GFI1B: variants seen among roughly 807,000 people sequenced by gnomAD.
GFI1B encodes growth factor independent 1B transcriptional repressor.
GFI1B carries 20 observed loss-of-function variants against 35.3 expected under a neutral mutation model. The observed-to-expected ratio is 0.57, with a 90% confidence interval of 0.40 to 0.82. The LOEUF (loss-of-function observed/expected upper bound fraction) is 0.82. Among genes scored for constraint, GFI1B ranks in the 40% least tolerant of loss-of-function variants. GFI1B has a pLI of 0.00. For synonymous variants in GFI1B, 178 were observed against 177.6 expected (o/e 1.00, Z -0.02); for missense variants, 430 against 446.3 (o/e 0.96, Z 0.33).
At chr9:132,968,889 C>T (rs1179293928) in intron 1 of GFI1B, among the ~76,000 whole-genome samples, 8 of 152,024 alleles carry the variant, frequency 5.3e-5, no homozygotes, top group African/African-American at 1.9e-4. Flanking sequence ...CATATCAGTC[C>T]ACAACCACCA....
At chr9:132,957,537 G>C (rs1488008477) in intron 1 of GFI1B, among the ~76,000 whole-genome samples, 2 of 152,208 alleles carry the variant, frequency 1.3e-5, no homozygotes, top group African/African-American at 4.8e-5. Flanking sequence ...TAGTGAACAA[G>C]AGAGAGTCCC....
Position 132,989,255 on chromosome 9 carries a change from A to T in GFI1B, c.648+57A>T. 1 of 1,560,196 alleles carries T rather than the reference A, an allele frequency of 6.4e-7. No homozygotes were observed. The highest frequency in any genetic ancestry group is 1.1e-5 in the South Asian group (1 of 90,158). ...CCCCACTCCTTCTCTGTGCTTCCCC[A>T]GGGAGCCTGGGGGCTGTGGCTGGGT... On this transcript the variant is annotated intron_variant, in intron 5 of 6. Coordinates refer to ENST00000372122, the MANE Select transcript of GFI1B (RefSeq NM_001377304.1). This position sits in a 1 kb window ranked among gnomAD's most constrained non-coding sequence, Gnocchi z 6.2.
intron 1 of GFI1B, among the ~76,000 whole-genome samples, chr9:132,969,437 T>C (rs973883624): frequency 6.6e-6 from 1 of 152,234 alleles, no homozygotes; most frequent in African/African-American, 2.4e-5. Context: ...TCGGGGTTCA[T>C]CCAGGTTGTT....
chr9:132,972,522 C>T (rs760298654), intron 1 of GFI1B, among the ~76,000 whole-genome samples: 1 of 151,430 alleles, frequency 6.6e-6, no homozygotes, highest in African/African-American at 2.4e-5. Flanking sequence ...CCCAGGAGGT[C>T]GTGGCTGCAG....
chr9:132,988,073 C>A, intron 3 of GFI1B, 124 bp from the exon 4 acceptor site: 2 of 837,100 alleles, frequency 2.4e-6, no homozygotes, highest in Non-Finnish European at 4.1e-6. Context: ...CTTGAACTCC[C>A]GACCTCAAGT....
chr9:132,962,521 A>T, intron 1 of GFI1B: 1 of 514,460 alleles, frequency 1.9e-6, no homozygotes, highest in Non-Finnish European at 4.0e-6. Flanking sequence ...ATGTCTTCTC[A>T]CAAGACTTTG....
rs747614393 is a variant in GFI1B at position 132,989,876 on chromosome 9, C to T, written c.783C>T (p.Ser261=). The change falls in exon 6 of 7, where the codon TCC becomes TCT. Residue 261 remains serine (S), a synonymous_variant. Transcript: ENST00000372122. This position sits in a 1 kb window ranked among gnomAD's most constrained non-coding sequence, Gnocchi z 6.2. ...GCGGCAAGCGTTTCCACCAGAAGTC[C>T]GACATGAAGAAGCACACCTACATCC... The part of the protein sequence containing the change: ...QFCGKRFHQK[S]DMKKHTYIHT... 41 of 1,614,196 alleles carry T rather than the reference C, an allele frequency of 2.5e-5. No homozygotes were observed. In the South Asian group the frequency reaches 3.7e-4, roughly 15 times the overall value.
rs1351043658 is a variant in GFI1B, at chr9:132,989,339, C to T, written c.648+141C>T. Reference sequence around the variant, plus strand: ...GGAGGGGTCCCCTAGTACCCACCTCCCTGGGTCTGGGTCTCCAACACCTGC... The same window carrying T: ...GGAGGGGTCCCCTAGTACCCACCTCTCTGGGTCTGGGTCTCCAACACCTGC... On this transcript the variant is annotated intron_variant, in intron 5 of 6. Transcript: ENST00000372122. This position sits in a 1 kb window ranked among gnomAD's most constrained non-coding sequence, Gnocchi z 6.2. 35 of 803,650 alleles carry T rather than the reference C, an allele frequency of 4.4e-5. No homozygotes were observed. Among genetic ancestry groups the T allele is most frequent in the Non-Finnish European group, 2.5e-5 (12 of 479,964 alleles). 49.8% of individuals were successfully genotyped at this position (803,650 alleles called of 1,614,324 possible).
At chr9:132,974,833 G>T (rs1285777984), upstream of GFI1B, among the ~76,000 whole-genome samples, 2 of 152,148 alleles carry the variant, frequency 1.3e-5, no homozygotes, top group Admixed American at 6.5e-5. Flanking sequence ...CAGGCAGAGG[G>T]CACGAGAAGT....
upstream of GFI1B, among the ~76,000 whole-genome samples, chr9:132,973,863 G>T (rs1848576690): frequency 6.6e-6 from 1 of 152,182 alleles, no homozygotes; most frequent in Non-Finnish European, 1.5e-5. Context: ...GCAACCTCAT[G>T]GTTTTGGCGG....
intron 1 of GFI1B, among the ~76,000 whole-genome samples, chr9:132,960,721 C>T (rs758726924): frequency 2.6e-5 from 4 of 151,686 alleles, no homozygotes; most frequent in Non-Finnish European, 5.9e-5. Flanking sequence ...AGGCTGGTTT[C>T]GAAGTCCTGG....
At chr9:132,978,968 T>C (rs903586151) in intron 1 of GFI1B, 127 bp downstream of exon 1, 1 of 152,216 alleles carries the variant, frequency 6.6e-6, no homozygotes, top group Non-Finnish European at 1.5e-5. Context: ...CTGGAAAAGC[T>C]CTGGAAGGCA....
Position 132,989,997 on chromosome 9 carries a change from G to A in GFI1B, c.814+90G>A. Reference sequence around the variant, plus strand: ...ATCAGAGGCCCCCAGCGTGAGGCTGGGGGCGGGGTCTAGTTACAAAGTCAA... The same window carrying A: ...ATCAGAGGCCCCCAGCGTGAGGCTGAGGGCGGGGTCTAGTTACAAAGTCAA... On this transcript the variant is annotated intron_variant, in intron 6 of 6. Coordinates refer to ENST00000372122, the MANE Select transcript of GFI1B (RefSeq NM_001377304.1). This position sits in a 1 kb window ranked among gnomAD's most constrained non-coding sequence, Gnocchi z 6.2. 1.7e-6 allele frequency: 2 copies of A among 1,186,566 alleles called. No homozygotes were observed. The highest frequency in any genetic ancestry group is 2.5e-6 in the Non-Finnish European group (2 of 808,276). The allele number at this position is 1,186,566 out of a possible 1,614,324, so 73.5% of individuals were successfully genotyped here.
chr9:132,950,268 A>T (rs1010854195), intron 1 of GFI1B, among the ~76,000 whole-genome samples: 27 of 151,632 alleles, frequency 1.8e-4, no homozygotes, highest in African/African-American at 6.6e-4. Context: ...TTCCTCCAAG[A>T]CTCAACTCCA....
chr9:132,967,758 G>A (rs541835653), intron 1 of GFI1B, among the ~76,000 whole-genome samples: 27 of 152,276 alleles, frequency 1.8e-4, no homozygotes, highest in Middle Eastern at 3.4e-3. Flanking sequence ...ACACGTGTGT[G>A]TGTGTGTATG....
chr9:132,981,498 T>G (rs915839511), intron 1 of GFI1B, among the ~76,000 whole-genome samples: 1 of 152,000 alleles, frequency 6.6e-6, no homozygotes, highest in Non-Finnish European at 1.5e-5. Context: ...ATTAGCCAAC[T>G]GTGGTGGTGC....
intron 3 of GFI1B, 39 bp from the exon 4 acceptor site, chr9:132,988,158 T>TTTAA (rs1418248400): frequency 3.1e-6 from 5 of 1,606,990 alleles, no homozygotes; most frequent in Non-Finnish European, 4.3e-6. Context: ...ACCCCCTGTG[T>TTTAA]TTAAATGAGT....
chr9:132,969,005 C>T (rs1209234319), intron 1 of GFI1B, among the ~76,000 whole-genome samples: 1 of 151,964 alleles, frequency 6.6e-6, no homozygotes. Flanking sequence ...TGGCAACCAC[C>T]ATTCCACTTC....
At chr9:132,967,101 C>A (rs1409456833) in intron 1 of GFI1B, among the ~76,000 whole-genome samples, 1 of 152,136 alleles carries the variant, frequency 6.6e-6, no homozygotes, top group African/African-American at 2.4e-5. Flanking sequence ...AGAATTAGTT[C>A]TTTGGGGAGG....
Sources: gnomAD v4.1 joint callset for allele counts (sites outside exome capture counted in the v4.1 genomes callset) on GRCh38, gnomAD v4.1.1 for gene constraint, Gnocchi (gnomAD v3.1) non-coding constraint, MANE v1.5 for transcripts, NCBI Gene and HGNC (gene_info 2026-07-23, HGNC 2026-07-21) for gene names.